Variants in ZNF385D observed in about 807,000 individuals in gnomAD.
ZNF385D encodes the protein zinc finger protein 659.
ZNF385D carries 15 observed loss-of-function variants against 35.8 expected under a neutral mutation model. The observed-to-expected ratio is 0.42, with a 90% CI of 0.28 to 0.64. The LOEUF is 0.64. Among genes scored for constraint, ZNF385D ranks in the 30% least tolerant of loss-of-function variants. The pLI, the probability that ZNF385D is intolerant of heterozygous loss-of-function variation, is 0.23. For synonymous variants in ZNF385D, 212 were observed against 186.8 expected (o/e 1.13, Z -1.10); for missense variants, 474 against 494.6 (o/e 0.96, Z 0.39).
intron 3 of ZNF385D, among the ~76,000 whole-genome samples, chr3:21,764,970 T>A (rs192825026): frequency 6.6e-6 from 1 of 152,168 alleles, no homozygotes; most frequent in African/African-American, 2.4e-5. Context: ...AAAGATCTTC[T>A]AGCATTGAGA....
At chr3:22,074,441 C>T (rs746172267) in intron 3 of ZNF385D, among the ~76,000 whole-genome samples, 1 of 151,930 alleles carries the variant, frequency 6.6e-6, no homozygotes, top group Non-Finnish European at 1.5e-5. Context: ...GAGCCCAATG[C>T]CTAATACTAG....
chr3:22,036,023 C>G (rs1328269790), intron 3 of ZNF385D, among the ~76,000 whole-genome samples: 5 of 151,912 alleles, frequency 3.3e-5, no homozygotes, highest in African/African-American at 1.2e-4. Context: ...TTTTTCTGAG[C>G]CTTGACACCT....
chr3:21,711,846 T>G (rs1202720348), intron 1 of ZNF385D, among the ~76,000 whole-genome samples: 1 of 152,206 alleles, frequency 6.6e-6, no homozygotes, highest in Admixed American at 6.5e-5. Context: ...GTAACCCATT[T>G]TTCTACCTTT....
At chr3:21,515,673 A>G (rs1707511050) in intron 3 of ZNF385D, among the ~76,000 whole-genome samples, 1 of 152,232 alleles carries the variant, frequency 6.6e-6, no homozygotes, top group Non-Finnish European at 1.5e-5. Context: ...GGCGTGGGCC[A>G]AGCTAACCAT....
intron 3 of ZNF385D, among the ~76,000 whole-genome samples, chr3:21,787,816 A>G (rs1324516135): frequency 1.3e-5 from 2 of 152,028 alleles, no homozygotes; most frequent in Non-Finnish European, 2.9e-5. Flanking sequence ...ACTTTTTTAA[A>G]AAAAGAGAGC....
rs567764818 is a variant in ZNF385D at position 21,868,270 on chromosome 3, AC to A, written c.326-203243del. ...CATATACAAATGGCTATGGCTGTGT[AC>A]TAATAAACATATATTTACAAAAGAG... On this transcript the variant is annotated intron_variant, in intron 3 of 5. Coordinates refer to the ZNF385D transcript ENST00000494108. Among the ~76,000 whole-genome samples the A allele has an allele frequency of 4.9e-3, 751 of 152,256 alleles. 8 individuals carry two copies. Among genetic ancestry groups the A allele is most frequent in the African/African-American group, 0.017 (717 of 41,568 alleles).
chr3:21,804,284 T>C (rs2072536399), intron 3 of ZNF385D, among the ~76,000 whole-genome samples: 1 of 152,202 alleles, frequency 6.6e-6, no homozygotes, highest in Non-Finnish European at 1.5e-5. Flanking sequence ...TTTGTTTTCT[T>C]ATATGATAAA....
At chr3:22,107,050 G>GTTT (rs1702259499) in intron 3 of ZNF385D, among the ~76,000 whole-genome samples, 1 of 60,998 alleles carries the variant, frequency 1.6e-5, no homozygotes, top group Non-Finnish European at 4.3e-5. Context: ...TTTAGACAGA[G>GTTT]TTTTGCTCTT....
intron 3 of ZNF385D, among the ~76,000 whole-genome samples, chr3:22,106,905 T>C (rs1233275380): frequency 6.6e-6 from 1 of 152,160 alleles, no homozygotes; most frequent in East Asian, 1.9e-4. Flanking sequence ...TAACTCTTCC[T>C]CTACTCTTGC....
At position 22,025,517 on chromosome 3, in the gene ZNF385D, C is replaced by A. The variant is rs186601403; in HGVS notation, c.325+143300G>T. ...GGGTATGGAATAATGGTGGAAGAAA[C>A]ATAGAGTTGGATCAGGGTGAATTTA... On this transcript the variant is annotated intron_variant, in intron 3 of 5. Transcript: ENST00000494108. Among the ~76,000 whole-genome samples the A allele has an allele frequency of 8.8e-3, 1,347 of 152,262 alleles. 9 individuals are homozygous for A. Among genetic ancestry groups the A allele is most frequent in the Middle Eastern group, 0.048 (14 of 294 alleles).
intron 2 of ZNF385D, among the ~76,000 whole-genome samples, chr3:22,251,323 C>G (rs181513472): frequency 6.6e-6 from 1 of 152,212 alleles, no homozygotes; most frequent in African/African-American, 2.4e-5. Context: ...CTATAAGAGG[C>G]GTAAGCACTC....
intron 3 of ZNF385D, among the ~76,000 whole-genome samples, chr3:22,006,825 C>G (rs1696239546): frequency 6.6e-6 from 1 of 150,852 alleles, no homozygotes; most frequent in Admixed American, 6.6e-5. Flanking sequence ...ACACAGGGAC[C>G]AAAAAAGAGT....
rs55872870 is a variant in ZNF385D, at chr3:21,681,298, T to TAAAAAAAAAAAAAAAAAAAA, written c.23-16290_23-16271dup. On this transcript the variant is annotated intron_variant, in intron 1 of 7. Transcript: ENST00000281523. Reference sequence around the variant, plus strand: ...AGCCTATGTGAATATATTCCATCAGTAAAAAAAAAAAAAAAAAAAAAAAAA... The same window carrying TAAAAAAAAAAAAAAAAAAAA: ...AGCCTATGTGAATATATTCCATCAGTAAAAAAAAAAAAAAAAAAAAAAAAAAAAAAAAAAAAAAAAAAAAA... 6.2e-5 allele frequency among the ~76,000 whole-genome samples: 4 copies of TAAAAAAAAAAAAAAAAAAAA among 64,482 alleles called. 1 individual carries two copies. The highest frequency in any genetic ancestry group is 1.1e-4 in the African/African-American group (2 of 17,832). 42.3% of individuals were successfully genotyped at this position (64,482 alleles called of 152,430 possible).
chr3:21,740,098 A>G (rs1014404801), intron 1 of ZNF385D, among the ~76,000 whole-genome samples: 3 of 152,184 alleles, frequency 2.0e-5, no homozygotes, highest in Non-Finnish European at 4.4e-5. Flanking sequence ...GGGAAGTCCA[A>G]CATCCTGAAA....
chr3:22,325,161 A>T (rs142258749), intron 2 of ZNF385D, among the ~76,000 whole-genome samples: 2,749 of 152,314 alleles, frequency 0.018, 40 homozygotes, highest in Middle Eastern at 0.027. Context: ...ATAAATTCTG[A>T]AGTAAAGGAA....
At chr3:21,586,868 A>AAGAT (rs1433485660) in intron 2 of ZNF385D, among the ~76,000 whole-genome samples, 2 of 152,214 alleles carry the variant, frequency 1.3e-5, no homozygotes, top group African/African-American at 4.8e-5. Context: ...TATTGAAATA[A>AAGAT]AGATATAAGT....
At chr3:21,754,327 T>G (rs1179521803), upstream of ZNF385D, among the ~76,000 whole-genome samples, 1 of 152,188 alleles carries the variant, frequency 6.6e-6, no homozygotes, top group African/African-American at 2.4e-5. Flanking sequence ...GTTCACACCC[T>G]GACCTTTACC....
intron 2 of ZNF385D, among the ~76,000 whole-genome samples, chr3:22,245,073 C>T (rs1020103997): frequency 6.6e-6 from 1 of 152,060 alleles, no homozygotes; most frequent in African/African-American, 2.4e-5. Context: ...CTGTATAAGT[C>T]TTCATTCAAT....
intron 3 of ZNF385D, among the ~76,000 whole-genome samples, chr3:22,109,914 G>T (rs1050912550): frequency 3.9e-5 from 6 of 151,970 alleles, no homozygotes; most frequent in Non-Finnish European, 8.8e-5. Context: ...CAAATATCCA[G>T]AATCTACAAT....
Sources: gnomAD v4.1 joint callset for allele counts (sites outside exome capture counted in the v4.1 genomes callset) on GRCh38, gnomAD v4.1.1 for gene constraint, MANE v1.5 for transcripts, NCBI Gene and HGNC (gene_info 2026-07-23, HGNC 2026-07-21) for gene names.